Variants in BCL6 observed in about 807,000 individuals in gnomAD.
BCL6 encodes the protein B-cell lymphoma 6 protein.
BCL6 carries 7 observed loss-of-function variants against 59.5 expected under a neutral mutation model. The ratio of observed to expected loss-of-function variants is 0.12; its 90% CI spans 0.07 to 0.22. The LOEUF (loss-of-function observed/expected upper bound fraction) is 0.22. BCL6 is among the 10% of genes least tolerant of loss of function. The probability of loss-of-function intolerance (pLI) is 1.00; values close to 1 mark genes in which losing one functional copy is unlikely to be tolerated. For missense variants in BCL6, 685 were observed against 939.4 expected (o/e 0.73, Z 3.54); for synonymous variants, 339 against 349.7 (o/e 0.97, Z 0.34).
At chr3:187,733,217 T>A (rs547729001) in intron 3 of BCL6, among the ~76,000 whole-genome samples, 2 of 152,240 alleles carry the variant, frequency 1.3e-5, no homozygotes, top group Admixed American at 1.3e-4. Context: ...TCATTTGAAA[T>A]CTTTTCTCAT....
At position 187,729,709 on chromosome 3, in the gene BCL6, A is replaced by G. The variant is rs543079135; in HGVS notation, c.696T>C (p.Cys232=). 2 of 1,614,124 alleles carry G rather than the reference A, an allele frequency of 1.2e-6. No individual in the cohort carries two copies. Among genetic ancestry groups the G allele is most frequent in the South Asian group, 1.1e-5 (1 of 91,072 alleles). ...CACCAGGGACTGGCCTGGCACTATC[A>G]CATGGGAGTGCCCGCTCCTTGGGGA... The part of the protein sequence containing the change: ...NPFPKERALP[C]DSARPVPGEY... Residue 232 remains cysteine (C), a synonymous_variant, in exon 5 of 10, where the codon TGT becomes TGC. Transcript: ENST00000406870. The surrounding 1 kb of genome is among the most constrained non-coding windows in gnomAD (Gnocchi z 5.6).
intron 1 of BCL6, among the ~76,000 whole-genome samples, chr3:187,740,923 T>C (rs938451528): frequency 2.6e-5 from 4 of 152,230 alleles, no homozygotes; most frequent in Admixed American, 1.3e-4. Context: ...GCCATCCCCA[T>C]TGGAGGGTGC....
rs189362631 is a variant in BCL6, at chr3:187,738,450, G to C, written c.-49-3543C>G. 6.8e-3 allele frequency among the ~76,000 whole-genome samples: 1,029 copies of C among 152,300 alleles called. 14 individuals are homozygous for C. Among genetic ancestry groups the C allele is most frequent in the Non-Finnish European group, 5.3e-3 (362 of 68,014 alleles). ...GTTTCCGCCCAAAGTCTTTAGAACA[G>C]GAGCTGCCAAGCCGTAAGGATTTCC... On this transcript the variant is annotated intron_variant, in intron 1 of 9. Coordinates refer to ENST00000406870, the MANE Select transcript of BCL6 (RefSeq NM_001706.5).
intron 1 of BCL6, among the ~76,000 whole-genome samples, chr3:187,740,228 C>G (rs2108478773): frequency 6.6e-6 from 1 of 152,232 alleles, no homozygotes; most frequent in Non-Finnish European, 1.5e-5. Flanking sequence ...ACCCCCACCC[C>G]CTCACACACA....
intron 3 of BCL6, among the ~76,000 whole-genome samples, chr3:187,732,792 T>C (rs1719109992): frequency 6.6e-6 from 1 of 152,238 alleles, no homozygotes; most frequent in African/African-American, 2.4e-5. Flanking sequence ...CACTAAACAT[T>C]ATCTATTATT....
intron 1 of BCL6, among the ~76,000 whole-genome samples, chr3:187,744,186 A>C (rs1711756410): frequency 6.6e-6 from 1 of 152,284 alleles, no homozygotes; most frequent in South Asian, 2.1e-4. Flanking sequence ...ACACAGAGTC[A>C]CGCAGCGCCC....
rs745644008 is a variant in BCL6 at position 187,729,223 on chromosome 3, C to A, written c.1182G>T (p.Gly394=). 5.0e-6 allele frequency: 8 copies of A among 1,614,098 alleles called. No homozygotes were observed. The highest frequency in any genetic ancestry group is 6.8e-6 in the Non-Finnish European group (8 of 1,180,002). ...GGCGGCCCAGCTCAGCCTGCTCAGG[C>A]CCCTCTGGTTTGGCATTCTGGTTGA... The part of the protein sequence containing the change: ...NSLNQNAKPE[G]PEQAELGRLS... The change falls in exon 5 of 10, where the codon GGG becomes GGT. Residue 394 remains glycine, a synonymous_variant. Coordinates refer to ENST00000406870, the MANE Select transcript of BCL6 (RefSeq NM_001706.5). This position sits in a 1 kb window ranked among gnomAD's most constrained non-coding sequence, Gnocchi z 5.6.
Position 187,725,492 on chromosome 3 carries a change from T to C in BCL6, c.1839+7A>G, listed in dbSNP as rs1718646205. 1 of 1,613,238 alleles carries C rather than the reference T, an allele frequency of 6.2e-7. No homozygotes were observed. Among genetic ancestry groups the C allele is most frequent in the Non-Finnish European group, 8.5e-7 (1 of 1,179,682 alleles). On this transcript the variant is annotated splice_region_variant and intron_variant, in intron 8 of 9. Transcript: ENST00000406870. The surrounding 1 kb of genome is among the most constrained non-coding windows in gnomAD (Gnocchi z 4.7). ...GCCCGCTCCGCTCGCCTGCCCACTC[T>C]GCTCACCTGTACAAATCTGGCTCCG... is the stretch of plus-strand genomic sequence containing the variant.
intron 1 of BCL6, among the ~76,000 whole-genome samples, chr3:187,743,194 T>C (rs972210219): frequency 1.3e-5 from 2 of 151,688 alleles, no homozygotes; most frequent in African/African-American, 2.4e-5. Context: ...AAATCCAGAC[T>C]GTAAAAAACA....
rs1579803064 is a variant in BCL6, at chr3:187,724,752, G to T, written c.1977+189C>A. On this transcript the variant is annotated intron_variant, in intron 9 of 9. Transcript: ENST00000406870. Reference sequence around the variant, plus strand: ...CTAATGCTTGGGCCAAGGTCAAGCAGGGTGTCTGGCCATTGGGCCCAGATC... The same window carrying T: ...CTAATGCTTGGGCCAAGGTCAAGCATGGTGTCTGGCCATTGGGCCCAGATC... 10 of 759,376 alleles carry T rather than the reference G, an allele frequency of 1.3e-5. No individual in the cohort carries two copies. In the East Asian group the frequency reaches 2.8e-4, roughly 21 times the overall value. The allele number at this position is 759,376 out of a possible 1,614,324, so 47.0% of individuals were successfully genotyped here.
At chr3:187,728,736 C>T (rs1168690646) in intron 5 of BCL6, among the ~76,000 whole-genome samples, 192 bp from the exon 6 acceptor site, 1 of 152,110 alleles carries the variant, frequency 6.6e-6, no homozygotes, top group Non-Finnish European at 1.5e-5. Flanking sequence ...CAAACTGAGC[C>T]AGAGCTTCCC....
chr3:187,733,730 T>C (rs1333790972), intron 2 of BCL6, 27 bp from the exon 3 acceptor site: 5 of 1,612,140 alleles, frequency 3.1e-6, no homozygotes, highest in Non-Finnish European at 4.2e-6. Context: ...AAAATCCTGT[T>C]AGTCCTCCAG....
chr3:187,737,363 GAGAGAGAGAGAGA>G (rs1719332480), intron 1 of BCL6: 1 of 140,640 alleles, frequency 7.1e-6, no homozygotes, highest in Non-Finnish European at 1.5e-5. Context: ...GAGAGAGAGA[GAGAGAGAGAGAGA>G]GAGAGAGAGA....
chr3:187,740,563 A>G (rs906944483), intron 1 of BCL6, among the ~76,000 whole-genome samples: 1 of 152,164 alleles, frequency 6.6e-6, no homozygotes, highest in African/African-American at 2.4e-5. Flanking sequence ...AAATACTTCT[A>G]AGGAGCTGAG....
chr3:187,744,249 A>T (rs1430711173), intron 1 of BCL6, among the ~76,000 whole-genome samples: 5 of 152,242 alleles, frequency 3.3e-5, no homozygotes, highest in Non-Finnish European at 5.9e-5. Flanking sequence ...TCGTTCTCCC[A>T]GGCTGTCCTG....
At chr3:187,744,301 A>T (rs2108483234) in intron 1 of BCL6, among the ~76,000 whole-genome samples, 1 of 152,214 alleles carries the variant, frequency 6.6e-6, no homozygotes, top group South Asian at 2.1e-4. Flanking sequence ...AAGGCATCGC[A>T]GGTGCAGTGC....
In BCL6 at chr3:187,729,849, T is replaced by C. The variant is rs773937915; in HGVS notation, c.556A>G (p.Ser186Gly). Residue 186 changes from serine to glycine, a missense_variant, in exon 5 of 10, where the codon AGT becomes GGT. By Grantham distance (56) the Ser-to-Gly change is moderately conservative. Transcript: ENST00000406870. The surrounding 1 kb of genome is among the most constrained non-coding windows in gnomAD (Gnocchi z 5.6). ...ESRAFAPSLYSGLSTPPASYS... is the reference protein window; with the variant it reads ...ESRAFAPSLYGGLSTPPASYS... ...GAGGCTGGCGGTGTGGACAGGCCAC[T>C]GTACAGGCTGGGGGCAAAGGCTCTG... 3 of 1,613,892 alleles carry C rather than the reference T, an allele frequency of 1.9e-6. No individual in the cohort carries two copies. The highest frequency in any genetic ancestry group is 4.5e-5 in the East Asian group (2 of 44,876).
intron 1 of BCL6, among the ~76,000 whole-genome samples, chr3:187,742,565 C>T (rs1271296983): frequency 6.6e-6 from 1 of 152,098 alleles, no homozygotes; most frequent in Non-Finnish European, 1.5e-5. Context: ...TATCAACAAC[C>T]CTTAAAACTA....
At chr3:187,745,254 A>G (rs537305025) in intron 1 of BCL6, among the ~76,000 whole-genome samples, 156 bp downstream of exon 1, 1 of 152,268 alleles carries the variant, frequency 6.6e-6, no homozygotes, top group South Asian at 2.1e-4. Flanking sequence ...ATACACATAG[A>G]AAACTTGGAG....
Sources: gnomAD v4.1 joint callset for allele counts (sites outside exome capture counted in the v4.1 genomes callset) on GRCh38, gnomAD v4.1.1 for gene constraint, Gnocchi (gnomAD v3.1) non-coding constraint, MANE v1.5 for transcripts, NCBI Gene and HGNC (gene_info 2026-07-23, HGNC 2026-07-21) for gene names.